PDSS2: variants seen among roughly 807,000 people sequenced by gnomAD.
PDSS2 encodes all trans-polyprenyl-diphosphate synthase PDSS2.
PDSS2 carries 31 observed loss-of-function variants against 44.5 expected under a neutral mutation model. The observed-to-expected ratio is 0.70, with a 90% CI of 0.52 to 0.94. The LOEUF (loss-of-function observed/expected upper bound fraction) is 0.94. PDSS2 is among the 40% of genes least tolerant of loss of function. The pLI is 0.00. For missense variants in PDSS2, 452 were observed against 482.2 expected (o/e 0.94, Z 0.59); for synonymous variants, 157 against 180.3 (o/e 0.87, Z 1.03).
At chr6:107,320,723 A>G (rs563028003) in intron 2 of PDSS2, among the ~76,000 whole-genome samples, 1 of 152,270 alleles carries the variant, frequency 6.6e-6, no homozygotes, top group African/African-American at 2.4e-5. Flanking sequence ...TCCACATTCA[A>G]CCCCCTAAGA....
chr6:107,425,392 C>G (rs1397780224), intron 1 of PDSS2, among the ~76,000 whole-genome samples: 1 of 152,146 alleles, frequency 6.6e-6, no homozygotes, highest in Non-Finnish European at 1.5e-5. Context: ...GACAAAAATG[C>G]TGACAGTGAT....
chr6:107,432,565 C>T (rs112155149), intron 1 of PDSS2, among the ~76,000 whole-genome samples: 10,545 of 152,098 alleles, frequency 0.069, 434 homozygotes, highest in Non-Finnish European at 0.092. Context: ...CCAAGGCAGG[C>T]GGATCACTTG....
chr6:107,229,075 T>C (rs1773939708), intron 4 of PDSS2, among the ~76,000 whole-genome samples: 2 of 152,234 alleles, frequency 1.3e-5, no homozygotes, highest in South Asian at 2.1e-4. Flanking sequence ...ACTCATTGTT[T>C]TACTTTTAAA....
intron 1 of PDSS2, among the ~76,000 whole-genome samples, chr6:107,375,282 T>C (rs1779252145): frequency 6.6e-6 from 1 of 151,388 alleles, no homozygotes; most frequent in South Asian, 2.1e-4. Flanking sequence ...AGAAAACCAA[T>C]GAAACAGAAA....
chr6:107,412,601 TACA>T (rs1445555200), intron 1 of PDSS2, among the ~76,000 whole-genome samples: 1 of 152,236 alleles, frequency 6.6e-6, no homozygotes, highest in Admixed American at 6.5e-5. Flanking sequence ...TCTCCATTTA[TACA>T]ACTGTCGGCA....
chr6:107,357,987 TATA>T (rs1778643498), intron 1 of PDSS2, among the ~76,000 whole-genome samples: 1 of 152,152 alleles, frequency 6.6e-6, no homozygotes, highest in African/African-American at 2.4e-5. Context: ...ATAAAATCAG[TATA>T]ATACTGGTTG....
intron 2 of PDSS2, among the ~76,000 whole-genome samples, chr6:107,322,567 G>A (rs971200714): frequency 8.6e-5 from 13 of 150,918 alleles, no homozygotes; most frequent in African/African-American, 2.7e-4. Flanking sequence ...ACTTGAGGCC[G>A]GGTGTGGTGG....
At position 107,324,394 on chromosome 6, in the gene PDSS2, G is replaced by A. The variant is rs764059181; in HGVS notation, c.431+9804C>T. 5.3e-5 allele frequency among the ~76,000 whole-genome samples: 8 copies of A among 152,108 alleles called. No homozygotes were observed. In the South Asian group the frequency reaches 6.2e-4, roughly 12 times the overall value. ...TCATTTAAAATCACTGTCAATAAGC[G>A]CTCCTCATTTTTAAGGTTCTTGTAG... On this transcript the variant is annotated intron_variant, in intron 2 of 7. Transcript: ENST00000369037.
rs560591104 is a variant in PDSS2 at position 107,377,715 on chromosome 6, G to T, written c.297-43383C>A. Among the ~76,000 whole-genome samples the T allele has an allele frequency of 1.4e-4, 22 of 152,172 alleles. No individual in the cohort carries two copies. In the East Asian group the frequency reaches 3.3e-3, roughly 23 times the overall value. On this transcript the variant is annotated intron_variant, in intron 1 of 7. Transcript: ENST00000369037. ...GGAATACTATGCAGCCATAAAAAAT[G>T]ATGAGTTCATGTCCTTTGTAGGGAC...
intron 4 of PDSS2, among the ~76,000 whole-genome samples, chr6:107,239,104 C>T (rs540572511): frequency 9.2e-5 from 14 of 152,006 alleles, no homozygotes; most frequent in African/African-American, 2.7e-4. Flanking sequence ...TGGTGAAACC[C>T]CATCTCTACT....
At chr6:107,271,830 G>T (rs1442337249) in intron 3 of PDSS2, among the ~76,000 whole-genome samples, 1 of 152,096 alleles carries the variant, frequency 6.6e-6, no homozygotes, top group Non-Finnish European at 1.5e-5. Flanking sequence ...CAACACAGGA[G>T]GATTTCGTGA....
chr6:107,435,322 ACACACACACG>A (rs1296637624), intron 1 of PDSS2, among the ~76,000 whole-genome samples: 1 of 139,448 alleles, frequency 7.2e-6, no homozygotes, highest in Non-Finnish European at 1.6e-5. Context: ...ACACACACAC[ACACACACACG>A]ATTAAAATGA....
Position 107,459,303 on chromosome 6 carries a change from G to T in PDSS2, c.-18C>A, listed in dbSNP as rs764983666. 8.7e-6 allele frequency: 14 copies of T among 1,612,146 alleles called. No homozygotes were observed. In the East Asian group the frequency reaches 3.1e-4, roughly 36 times the overall value. ...AAGTTCATGGTTTGAGTCTGGAAGG[G>T]TCTGGGACCTGGGGGTATCCAGAAG... On this transcript the variant is annotated 5_prime_UTR_variant, in exon 1 of 8. Transcript: ENST00000369037. The surrounding 1 kb of genome is among the most constrained non-coding windows in gnomAD (Gnocchi z 4.3).
rs1052695931 is a variant in PDSS2 at position 107,360,120 on chromosome 6, T to C, written c.297-25788A>G. Among the ~76,000 whole-genome samples the C allele has an allele frequency of 2.6e-5, 4 of 152,182 alleles. No individual in the cohort carries two copies. The South Asian group carries it at 8.3e-4, about 31-fold the overall frequency. On this transcript the variant is annotated intron_variant, in intron 1 of 7. Transcript: ENST00000369037. Reference sequence around the variant, plus strand: ...AGAATTGTCATAAAACCACCTCAAATTTCACACTTTCCAAAGATCTCAAGA... The same window carrying C: ...AGAATTGTCATAAAACCACCTCAAACTTCACACTTTCCAAAGATCTCAAGA...
chr6:107,192,284 T>TA, intron 7 of PDSS2: 1 of 429,162 alleles, frequency 2.3e-6, no homozygotes, highest in Non-Finnish European at 4.5e-6. Flanking sequence ...AGGAGGCAGA[T>TA]AAAAGGAGAG....
chr6:107,406,050 C>A (rs1780310914), intron 1 of PDSS2, among the ~76,000 whole-genome samples: 1 of 152,012 alleles, frequency 6.6e-6, no homozygotes. Context: ...TATATTAATA[C>A]AAAATTTTTA....
At chr6:107,317,955 G>T (rs1300029445) in intron 2 of PDSS2, among the ~76,000 whole-genome samples, 1 of 151,972 alleles carries the variant, frequency 6.6e-6, no homozygotes, top group Non-Finnish European at 1.5e-5. Flanking sequence ...CCTCCCCCCA[G>T]ATAAAGTAAC....
chr6:107,268,942 A>ATT lies in PDSS2; in HGVS notation c.630+5085_630+5086dup, dbSNP rs71012789. Reference sequence around the variant, plus strand: ...AGAGTATCTTACTTTAACAAATAGTATTTTTTTTTTTTTCCATACGGAGTT... The same window carrying ATT: ...AGAGTATCTTACTTTAACAAATAGTATTTTTTTTTTTTTTTCCATACGGAGTT... On this transcript the variant is annotated intron_variant, in intron 3 of 7. Transcript: ENST00000369037. Among the ~76,000 whole-genome samples the ATT allele has an allele frequency of 8.2e-4, 121 of 147,598 alleles. 2 individuals carry two copies. In the East Asian group the frequency reaches 8.4e-3, roughly 10 times the overall value.
intron 7 of PDSS2, among the ~76,000 whole-genome samples, chr6:107,171,841 C>T (rs1375827626): frequency 2.0e-5 from 3 of 152,126 alleles, no homozygotes; most frequent in African/African-American, 7.2e-5. Flanking sequence ...AAGGCATTTC[C>T]ATTCCTGCCT....
Sources: allele counts gnomAD v4.1 joint callset (sites outside exome capture counted in the v4.1 genomes callset), GRCh38; gene constraint gnomAD v4.1.1; non-coding constraint Gnocchi (gnomAD v3.1); transcripts MANE v1.5; gene names NCBI Gene and HGNC (gene_info 2026-07-23, HGNC 2026-07-21).